Variants in LARGE1 observed in about 807,000 individuals in gnomAD.
LARGE1 encodes the protein LARGE xylosyl- and glucuronyltransferase 1, also known as xylosyl- and glucuronyltransferase LARGE1.
A neutral mutation model predicts 87.6 loss-of-function variants in LARGE1; 43 were observed. The observed-to-expected ratio is 0.49, with a 90% confidence interval of 0.38 to 0.63. The LOEUF (loss-of-function observed/expected upper bound fraction) is 0.63. Ranked by LOEUF, LARGE1 falls within the 30% of genes least tolerant of loss-of-function variation. LARGE1 has a pLI of 0.00. For synonymous variants in LARGE1, 434 were observed against 394.6 expected (o/e 1.10, Z -1.18); for missense variants, 802 against 1,000.2 (o/e 0.80, Z 2.67).
intron 9 of LARGE1, among the ~76,000 whole-genome samples, chr22:33,350,664 G>A (rs978970030): frequency 1.3e-5 from 2 of 152,146 alleles, no homozygotes; most frequent in African/African-American, 4.8e-5. Flanking sequence ...GGAAACCCTG[G>A]GAGAGGCAGC....
chr22:33,217,174 T>C (rs1364178438), intron 11 of LARGE1, among the ~76,000 whole-genome samples: 1 of 149,406 alleles, frequency 6.7e-6, no homozygotes, highest in Non-Finnish European at 1.5e-5. Context: ...GGAAGCAACC[T>C]AAATATCTAT....
the LARGE1 span, among the ~76,000 whole-genome samples, chr22:33,070,389 A>G: frequency 6.6e-6 from 1 of 152,214 alleles, no homozygotes; most frequent in Non-Finnish European, 1.5e-5. Flanking sequence ...GGCAATGTCT[A>G]GGGATATCTT....
At chr22:33,571,246 G>T (rs776704074) in intron 5 of LARGE1, among the ~76,000 whole-genome samples, 3 of 152,196 alleles carry the variant, frequency 2.0e-5, no homozygotes, top group African/African-American at 7.2e-5. Flanking sequence ...AAACTGGGGG[G>T]TTGGGGATGC....
intron 11 of LARGE1, among the ~76,000 whole-genome samples, chr22:33,313,775 C>T (rs1295895545): frequency 6.6e-6 from 1 of 152,218 alleles, no homozygotes; most frequent in Non-Finnish European, 1.5e-5. Flanking sequence ...TGCCAATCCC[C>T]AGATGACATC....
chr22:33,821,596 G>A (rs187953682), intron 1 of LARGE1, among the ~76,000 whole-genome samples: 5 of 152,286 alleles, frequency 3.3e-5, no homozygotes, highest in African/African-American at 9.6e-5. Flanking sequence ...GCGTCTAAGA[G>A]CATGCCGAGA....
chr22:33,837,222 C>T (rs978307428), intron 1 of LARGE1, among the ~76,000 whole-genome samples: 1 of 147,956 alleles, frequency 6.8e-6, no homozygotes, highest in African/African-American at 2.5e-5. Context: ...CATGCCACTC[C>T]ATATATATAT....
intron 1 of LARGE1, among the ~76,000 whole-genome samples, chr22:33,824,943 A>C (rs2146284490): frequency 6.6e-6 from 1 of 152,348 alleles, no homozygotes; most frequent in Middle Eastern, 3.4e-3. Context: ...GCAAGGGCCA[A>C]GTATAATGCT....
At chr22:33,181,827 C>CTTT (rs56347007) in intron 11 of LARGE1, among the ~76,000 whole-genome samples, 1,884 of 128,296 alleles carry the variant, frequency 0.015, 76 homozygotes, top group African/African-American at 0.056. Flanking sequence ...TATGCCTGGC[C>CTTT]TTTTTTTTTT....
chr22:33,704,157 A>G (rs2082484635), intron 2 of LARGE1, among the ~76,000 whole-genome samples: 1 of 152,242 alleles, frequency 6.6e-6, no homozygotes, highest in South Asian at 2.1e-4. Context: ...TATAGACTGT[A>G]ATTACTGTAT....
chr22:33,480,072 T>C (rs2069250328), intron 6 of LARGE1, among the ~76,000 whole-genome samples: 1 of 152,080 alleles, frequency 6.6e-6, no homozygotes, highest in South Asian at 2.1e-4. Flanking sequence ...TCAAGCAATG[T>C]ACAAAGTTCA....
chr22:33,625,747 C>T (rs145562454), intron 4 of LARGE1, among the ~76,000 whole-genome samples: 2,146 of 152,216 alleles, frequency 0.014, 27 homozygotes, highest in Middle Eastern at 0.044. Context: ...ATCCTAATCT[C>T]CTCTTTTTTT....
At chr22:33,080,539 T>C in the LARGE1 span, among the ~76,000 whole-genome samples, 1 of 152,212 alleles carries the variant, frequency 6.6e-6, no homozygotes, top group African/African-American at 2.4e-5. Flanking sequence ...ACACAGACAC[T>C]TCAGCTCACA....
intron 1 of LARGE1, among the ~76,000 whole-genome samples, chr22:33,780,535 G>A (rs777572360): frequency 1.3e-5 from 2 of 152,204 alleles, no homozygotes; most frequent in African/African-American, 4.8e-5. Context: ...GTGAAAGAAG[G>A]AGCATGAAGC....
intron 1 of LARGE1, among the ~76,000 whole-genome samples, chr22:33,850,453 C>G (rs1417433219): frequency 6.6e-6 from 1 of 152,138 alleles, no homozygotes; most frequent in African/African-American, 2.4e-5. Context: ...TCTAGGTTTC[C>G]GCCTCCTCAT....
downstream of LARGE1, among the ~76,000 whole-genome samples, chr22:33,269,501 T>A (rs1341069422): frequency 6.6e-6 from 1 of 152,188 alleles, no homozygotes; most frequent in East Asian, 1.9e-4. Flanking sequence ...AAAAGTGCAG[T>A]GAAATTACTG....
intron 2 of LARGE1, among the ~76,000 whole-genome samples, chr22:33,718,639 C>T (rs1330478162): frequency 2.0e-5 from 3 of 152,240 alleles, no homozygotes. Context: ...GGTGCCTTCC[C>T]TATCCTAACT....
chr22:33,289,386 T>TAGGA, intron 12 of LARGE1, among the ~76,000 whole-genome samples: 1 of 152,344 alleles, frequency 6.6e-6, no homozygotes, highest in East Asian at 1.9e-4. Flanking sequence ...CTCTCTCTCC[T>TAGGA]GACTTCAGGC....
rs112793836 is a variant in LARGE1, at chr22:33,818,185, C to G, written c.-82-56627G>C. Among the ~76,000 whole-genome samples the G allele has an allele frequency of 5.1e-3, 778 of 152,328 alleles. 6 individuals carry two copies. The highest frequency in any genetic ancestry group is 0.017 in the African/African-American group (719 of 41,568). On this transcript the variant is annotated intron_variant, in intron 1 of 14. Transcript: ENST00000397394. Reference sequence around the variant, plus strand: ...TCATAGGGCTTCTTGAGACTCACACCTTCCCATCCAGCTGTGCCCCCTCAA... The same window carrying G: ...TCATAGGGCTTCTTGAGACTCACACGTTCCCATCCAGCTGTGCCCCCTCAA...
intron 10 of LARGE1, among the ~76,000 whole-genome samples, chr22:33,336,668 C>T (rs763384677): frequency 6.6e-6 from 1 of 152,154 alleles, no homozygotes; most frequent in Non-Finnish European, 1.5e-5. Flanking sequence ...TTCTCTATAT[C>T]CTAAGAAACT....
Sources: allele counts gnomAD v4.1 joint callset (sites outside exome capture counted in the v4.1 genomes callset), GRCh38; gene constraint gnomAD v4.1.1; transcripts MANE v1.5; gene names NCBI Gene and HGNC (gene_info 2026-07-23, HGNC 2026-07-21).